The following ATMIN variants were observed in gnomAD, a reference collection of about 807,000 sequenced individuals.
The protein encoded by ATMIN is ATM interactor, also known as ATM INteracting protein.
In ATMIN, 24 loss-of-function variants were observed where a neutral mutation model predicts 49.2. That is an observed-to-expected ratio of 0.49 (90% CI 0.35 to 0.69). The LOEUF (loss-of-function observed/expected upper bound fraction) is 0.69, where lower values mean the gene tolerates loss of function less well. Ranked by LOEUF, ATMIN falls within the 30% of genes least tolerant of loss-of-function variation. ATMIN has a pLI of 0.00. For missense variants in ATMIN, 1,037 were observed against 1,005.5 expected (o/e 1.03, Z -0.42); for synonymous variants, 450 against 392.5 (o/e 1.15, Z -1.73).
chr16:81,042,933 G>A (rs900647678), intron 3 of ATMIN, among the ~76,000 whole-genome samples: 5 of 152,110 alleles, frequency 3.3e-5, no homozygotes. Context: ...AGTACTTAGA[G>A]CTTAACAAAA....
chr16:81,044,040 C>A lies in ATMIN; in HGVS notation c.1542C>A (p.Cys514Ter). 1 of 1,614,112 alleles carries A rather than the reference C, an allele frequency of 6.2e-7. No homozygotes were observed. The highest frequency in any genetic ancestry group is 8.5e-7 in the Non-Finnish European group (1 of 1,179,998). ...DHVQMDQAGM[C>*]GDIFESVHSS... ...TACAGATGGACCAAGCTGGAATGTG[C>A]GGAGACATTTTTGAGAGTGTTCATT... Residue 514 changes from cysteine (C) to a stop codon, truncating the protein, a stop_gained, in exon 4 of 4, where the codon TGC becomes TGA. Coordinates refer to ENST00000299575, the MANE Select transcript of ATMIN (RefSeq NM_015251.3). LOFTEE classifies it high-confidence loss of function.
Position 81,044,813 on chromosome 16 carries a change from T to C in ATMIN, c.2315T>C (p.Phe772Ser). Residue 772 changes from phenylalanine to serine, a missense_variant, in exon 4 of 4, where the codon TTT (phenylalanine) becomes TCT (serine). Transcript: ENST00000299575. ...STETQTMSSG[F>S]ETLGSLFFTS... ...GAAACACAGACCATGAGTTCTGGGTTTGAAACCCTGGGGAGCTTGTTCTTC... is the reference window on the plus strand; with the variant it reads ...GAAACACAGACCATGAGTTCTGGGTCTGAAACCCTGGGGAGCTTGTTCTTC... 6.2e-7 allele frequency: 1 copy of C among 1,614,198 alleles called. No individual in the cohort carries two copies. The highest frequency in any genetic ancestry group is 8.5e-7 in the Non-Finnish European group (1 of 1,180,032).
chr16:81,041,678 C>T, intron 2 of ATMIN, 197 bp downstream of exon 2: 1 of 579,150 alleles, frequency 1.7e-6, no homozygotes, highest in Non-Finnish European at 2.9e-6. Context: ...GGGAATATGT[C>T]TAGAACTGAG....
chr16:81,043,727 C>T lies in ATMIN; in HGVS notation c.1229C>T (p.Ser410Leu). The change falls in exon 4 of 4, where the codon TCA becomes TTA. Residue 410 changes from serine to leucine, a missense_variant. Transcript: ENST00000299575. ...ACGTGTCAAAAGAATAGCATTTCTTCAATCAACGTGCAGACAGATCTGTCT... is the reference window on the plus strand; with the variant it reads ...ACGTGTCAAAAGAATAGCATTTCTTTAATCAACGTGCAGACAGATCTGTCT... ...GNTCQKNSIS[S>L]INVQTDLSYA... 1.9e-6 allele frequency: 3 copies of T among 1,614,240 alleles called. No homozygotes were observed. The highest frequency in any genetic ancestry group is 2.5e-6 in the Non-Finnish European group (3 of 1,180,038).
intron 1 of ATMIN, among the ~76,000 whole-genome samples, chr16:81,038,530 C>T (rs967715502): frequency 3.3e-5 from 5 of 152,090 alleles, no homozygotes; most frequent in East Asian, 1.9e-4. Flanking sequence ...GCTTTCTAAC[C>T]GCAGTGCCCA....
At chr16:81,038,809 T>A (rs563503480) in intron 1 of ATMIN, among the ~76,000 whole-genome samples, 67 of 152,132 alleles carry the variant, frequency 4.4e-4, no homozygotes, top group African/African-American at 1.5e-3. Context: ...TTTTTGTTTG[T>A]TTGTTTGAGA....
At chr16:81,036,229 C>T (rs1970928196) in intron 1 of ATMIN, 23 bp downstream of exon 1, 1 of 1,378,260 alleles carries the variant, frequency 7.3e-7, no homozygotes, top group Non-Finnish European at 9.5e-7. Flanking sequence ...CGGCCGGCGG[C>T]CCGGGGGGCC....
Position 81,044,940 on chromosome 16 carries a change from T to A in ATMIN, c.2442T>A (p.Ser814=), listed in dbSNP as rs1233792021. The change falls in exon 4 of 4, where the codon TCT becomes TCA. Residue 814 remains serine, a synonymous_variant. Transcript: ENST00000299575. ...TCAGCTCTGTAGAAACCCAGACTTC[T>A]GCGGAACCACACACAGTCTCCAACT... The part of the protein sequence containing the change: ...SQFSSVETQT[S]AEPHTVSNF 6.2e-7 allele frequency: 1 copy of A among 1,613,884 alleles called. No individual in the cohort carries two copies. The highest frequency in any genetic ancestry group is 1.1e-5 in the South Asian group (1 of 91,066).
intron 1 of ATMIN, among the ~76,000 whole-genome samples, chr16:81,039,270 A>C (rs1304508481): frequency 6.6e-6 from 1 of 152,174 alleles, no homozygotes; most frequent in African/African-American, 2.4e-5. Context: ...TCTTATAGTC[A>C]GTGGAAATTT....
At chr16:81,036,308 G>GCGCTGC (rs1291640854) in intron 1 of ATMIN, 102 bp downstream of exon 1, 40 of 1,042,408 alleles carry the variant, frequency 3.8e-5, no homozygotes, top group South Asian at 1.3e-4. Flanking sequence ...AGCGCCCTGC[G>GCGCTGC]CGCTGCCGCT....
At chr16:81,042,519 A>C in intron 3 of ATMIN, 39 bp downstream of exon 3, 1 of 1,591,850 alleles carries the variant, frequency 6.3e-7, no homozygotes, top group Non-Finnish European at 8.6e-7. Flanking sequence ...GTCAGTAGCT[A>C]TGGGAAGCAT....
At chr16:81,041,588 G>T in intron 2 of ATMIN, 107 bp downstream of exon 2, 1 of 1,414,534 alleles carries the variant, frequency 7.1e-7, no homozygotes, top group South Asian at 1.4e-5. Flanking sequence ...CTTGTGAGGG[G>T]AGATGCCTGC....
At chr16:81,036,305 T>C (rs1185201210) in intron 1 of ATMIN, 99 bp downstream of exon 1, 14 of 1,048,562 alleles carry the variant, frequency 1.3e-5, no homozygotes, top group Non-Finnish European at 1.5e-5. Context: ...ACGAGCGCCC[T>C]GCGCGCTGCC....
rs1362213360 is a variant in ATMIN at position 81,044,916 on chromosome 16, C to T, written c.2418C>T (p.Phe806=). 8.1e-6 allele frequency: 13 copies of T among 1,613,982 alleles called. No individual in the cohort carries two copies. The Admixed American group carries it at 2.0e-4, about 25-fold the overall frequency. Residue 806 remains phenylalanine, a synonymous_variant, in exon 4 of 4, where the codon TTC becomes TTT. Coordinates refer to ENST00000299575, the MANE Select transcript of ATMIN (RefSeq NM_015251.3). The part of the protein sequence containing the change: ...DLAWNTMESQ[F]SSVETQTSAE... ...CCTGGAACACGATGGAGTCTCAGTT[C>T]AGCTCTGTAGAAACCCAGACTTCTG... is the stretch of plus-strand genomic sequence containing the variant.
chr16:81,039,621 C>A (rs1971006360), intron 1 of ATMIN, among the ~76,000 whole-genome samples: 1 of 152,156 alleles, frequency 6.6e-6, no homozygotes. Flanking sequence ...AAATGAAAGC[C>A]ATGAGGATTC....
intron 1 of ATMIN, among the ~76,000 whole-genome samples, chr16:81,038,091 AC>A (rs767316285): frequency 6.6e-6 from 1 of 151,958 alleles, no homozygotes; most frequent in Non-Finnish European, 1.5e-5. Flanking sequence ...GCCTTTCAGG[AC>A]TGGTTAGTAT....
In ATMIN at chr16:81,037,434, C is replaced by T. The variant is rs1055422726; in HGVS notation, c.336+1228C>T. The T allele has an allele frequency of 3.0e-6, 3 of 985,308 alleles. No homozygotes were observed. In the Admixed American group the frequency reaches 1.8e-4, roughly 61 times the overall value. 61.0% of individuals were successfully genotyped at this position (985,308 alleles called of 1,614,324 possible). On this transcript the variant is annotated intron_variant, in intron 1 of 3. Coordinates refer to ENST00000299575, the MANE Select transcript of ATMIN (RefSeq NM_015251.3). ...ATCTAAACCGGGATGCAACAACGTT[C>T]TCAATTGAAGATCAGGGAGCCAGTC...
chr16:81,040,552 C>A (rs1388312899), intron 1 of ATMIN: 1 of 152,190 alleles, frequency 6.6e-6, no homozygotes, highest in African/African-American at 2.4e-5. Context: ...CTGTTCAAAA[C>A]ATTCCCAAAG....
In ATMIN at chr16:81,045,164, G is replaced by C; in HGVS notation, c.*194G>C. 1.2e-5 allele frequency: 8 copies of C among 683,160 alleles called. No individual in the cohort carries two copies. Among genetic ancestry groups the C allele is most frequent in the Non-Finnish European group, 1.6e-5 (7 of 441,864 alleles). 42.3% of individuals were successfully genotyped at this position (683,160 alleles called of 1,614,324 possible). On this transcript the variant is annotated 3_prime_UTR_variant, in exon 4 of 4. Coordinates refer to ENST00000299575, the MANE Select transcript of ATMIN (RefSeq NM_015251.3). ...AATGTGAGTGTATTATAAAGTTTGAGATGTTGATCTAAATTGTTTTTGTGT... is the reference window on the plus strand; with the variant it reads ...AATGTGAGTGTATTATAAAGTTTGACATGTTGATCTAAATTGTTTTTGTGT...
Sources: gnomAD v4.1 joint callset for allele counts (sites outside exome capture counted in the v4.1 genomes callset) on GRCh38, gnomAD v4.1.1 for gene constraint, MANE v1.5 for transcripts, NCBI Gene and HGNC (gene_info 2026-07-23, HGNC 2026-07-21) for gene names.